The following SPIRE1 variants were observed in gnomAD, a reference collection of about 807,000 sequenced individuals.
The protein encoded by SPIRE1 is spire type actin nucleation factor 1, also known as protein spire homolog 1.
Under a neutral mutation model 94.1 loss-of-function variants are expected in SPIRE1, and 40 were observed. The observed-to-expected ratio is 0.43, with a 90% confidence interval of 0.33 to 0.55. The LOEUF is 0.55. Among genes scored for constraint, SPIRE1 ranks in the 20% least tolerant of loss-of-function variants. The pLI is 0.06. For missense variants in SPIRE1, 838 were observed against 975.2 expected, an observed-to-expected ratio of 0.86 and a Z score of 1.87; for synonymous variants, 376 against 371.7, an observed-to-expected ratio of 1.01 and a Z score of -0.13.
intron 2 of SPIRE1, among the ~76,000 whole-genome samples, chr18:12,557,660 C>T (rs973806693): frequency 6.6e-6 from 1 of 151,960 alleles, no homozygotes; most frequent in Non-Finnish European, 1.5e-5. Flanking sequence ...TGAGGAGGCA[C>T]CAAGAGCGAG....
chr18:12,563,728 C>T (rs553703967), intron 2 of SPIRE1, among the ~76,000 whole-genome samples: 16 of 152,136 alleles, frequency 1.1e-4, no homozygotes, highest in Admixed American at 1.0e-3. Flanking sequence ...AACCCCAAAA[C>T]TGTTACCACT....
chr18:12,461,503 T>C (rs1215237435), intron 12 of SPIRE1, among the ~76,000 whole-genome samples: 1 of 148,112 alleles, frequency 6.8e-6, no homozygotes, highest in Non-Finnish European at 1.5e-5. Context: ...TGCACGTACA[T>C]ATGTACGTAC....
chr18:12,590,420 C>T (rs1355890457), intron 2 of SPIRE1, among the ~76,000 whole-genome samples: 1 of 152,072 alleles, frequency 6.6e-6, no homozygotes, highest in Non-Finnish European at 1.5e-5. Context: ...GAGTTATGTC[C>T]TGAAGTTCCC....
chr18:12,546,505 C>G (rs146927800), intron 3 of SPIRE1, among the ~76,000 whole-genome samples, 169 bp downstream of exon 3: 2 of 151,970 alleles, frequency 1.3e-5, no homozygotes, highest in African/African-American at 4.8e-5. Context: ...TGGTGGCATA[C>G]ACCTGTAGTC....
At chr18:12,555,569 CAT>C (rs2035480428) in intron 2 of SPIRE1, among the ~76,000 whole-genome samples, 1 of 152,122 alleles carries the variant, frequency 6.6e-6, no homozygotes, top group African/African-American at 2.4e-5. Flanking sequence ...GGACAAAAAC[CAT>C]ATGATTATTC....
At chr18:12,485,606 GT>G (rs954502287) in intron 9 of SPIRE1, among the ~76,000 whole-genome samples, 3 of 152,102 alleles carry the variant, frequency 2.0e-5, no homozygotes, top group Non-Finnish European at 2.9e-5. Flanking sequence ...TTTCTATGAA[GT>G]TTTTTTCTAT....
At chr18:12,582,454 A>C (rs1036279405) in intron 2 of SPIRE1, among the ~76,000 whole-genome samples, 3 of 152,170 alleles carry the variant, frequency 2.0e-5, no homozygotes, top group Non-Finnish European at 4.4e-5. Flanking sequence ...ATGTTTCCCT[A>C]CTTTAGGGGA....
intron 1 of SPIRE1, among the ~76,000 whole-genome samples, chr18:12,636,517 G>GAA (rs71174117): frequency 6.0e-5 from 9 of 149,122 alleles, no homozygotes; most frequent in East Asian, 2.0e-4. Flanking sequence ...TGAGTTGGTT[G>GAA]AAAAAAAAAC....
intron 10 of SPIRE1, among the ~76,000 whole-genome samples, chr18:12,478,296 C>A (rs1415685737): frequency 6.7e-6 from 1 of 149,624 alleles, no homozygotes; most frequent in Non-Finnish European, 1.5e-5. Flanking sequence ...GGGTGTGAAG[C>A]TGGGGTGTGT....
intron 10 of SPIRE1, among the ~76,000 whole-genome samples, chr18:12,479,170 C>CT (rs1351687722): frequency 2.3e-5 from 3 of 132,244 alleles, no homozygotes; most frequent in Non-Finnish European, 3.2e-5. Context: ...TTTTTTTTTT[C>CT]TTTTTCTTTT....
At chr18:12,568,821 G>A (rs2035881127) in intron 2 of SPIRE1, among the ~76,000 whole-genome samples, 1 of 152,084 alleles carries the variant, frequency 6.6e-6, no homozygotes, top group Admixed American at 6.6e-5. Flanking sequence ...GTTAGATATG[G>A]AACTTATGAA....
intron 10 of SPIRE1, among the ~76,000 whole-genome samples, chr18:12,469,002 TG>T (rs2032236011): frequency 1.3e-5 from 2 of 152,266 alleles, no homozygotes; most frequent in East Asian, 3.9e-4. Context: ...AGGTCGAGGC[TG>T]CAATGAGCTG....
At chr18:12,535,309 T>G (rs2034802556) in intron 4 of SPIRE1, among the ~76,000 whole-genome samples, 167 bp downstream of exon 4, 1 of 152,238 alleles carries the variant, frequency 6.6e-6, no homozygotes, top group South Asian at 2.1e-4. Flanking sequence ...TAATTTTACC[T>G]AAGTTGCTTC....
chr18:12,453,912 G>A (rs1179585514), intron 13 of SPIRE1, among the ~76,000 whole-genome samples: 3 of 152,026 alleles, frequency 2.0e-5, no homozygotes, highest in African/African-American at 4.8e-5. Context: ...AGCCTCCCGA[G>A]TAGCTGGGAT....
intron 9 of SPIRE1, among the ~76,000 whole-genome samples, chr18:12,480,880 A>G (rs1283202768): frequency 6.6e-6 from 1 of 152,226 alleles, no homozygotes; most frequent in Non-Finnish European, 1.5e-5. Flanking sequence ...CAGTTACCGC[A>G]TGATGTAATT....
chr18:12,450,920 T>A (rs1456570666), intron 16 of SPIRE1: 3 of 696,180 alleles, frequency 4.3e-6, no homozygotes, highest in Non-Finnish European at 7.8e-6. Context: ...TGTTTCTGAC[T>A]ATAAGTTGAA....
At chr18:12,498,895 C>T (rs2033559183) in intron 6 of SPIRE1, among the ~76,000 whole-genome samples, 1 of 152,116 alleles carries the variant, frequency 6.6e-6, no homozygotes, top group Admixed American at 6.5e-5. Context: ...GTTGGGATTA[C>T]AGGTGTAATC....
intron 12 of SPIRE1, 98 bp from the exon 13 acceptor site, chr18:12,454,581 A>G: frequency 8.8e-7 from 1 of 1,133,612 alleles, no homozygotes; most frequent in South Asian, 1.3e-5. Context: ...GTAGCTTCAG[A>G]GAAGAGAACA....
chr18:12,455,559 C>T (rs2031468835), intron 12 of SPIRE1, among the ~76,000 whole-genome samples: 1 of 152,162 alleles, frequency 6.6e-6, no homozygotes, highest in Admixed American at 6.5e-5. Context: ...AATGGTTTCC[C>T]TACAAGCAGC....
Sources: gnomAD v4.1 joint callset for allele counts (sites outside exome capture counted in the v4.1 genomes callset) on GRCh38, gnomAD v4.1.1 for gene constraint, MANE v1.5 for transcripts, NCBI Gene and HGNC (gene_info 2026-07-23, HGNC 2026-07-21) for gene names.